BDP1: variants seen among roughly 807,000 people sequenced by gnomAD.
BDP1 encodes the protein transcription factor TFIIIB component B'' homolog.
Under a neutral mutation model 266.6 loss-of-function variants are expected in BDP1, and 169 were observed. The ratio of observed to expected loss-of-function variants is 0.63; its 90% CI spans 0.56 to 0.72. BDP1 has a LOEUF of 0.72. Ranked by LOEUF, BDP1 falls within the 30% of genes least tolerant of loss-of-function variation. BDP1 has a pLI of 0.00. For missense variants in BDP1, 3,015 were observed against 3,053.8 expected (o/e 0.99, Z 0.30); for synonymous variants, 1,090 against 1,022.4 (o/e 1.07, Z -1.26).
the BDP1 span, among the ~76,000 whole-genome samples, chr5:71,576,030 A>G: frequency 2.1e-3 from 317 of 152,328 alleles, 1 homozygote; most frequent in African/African-American, 7.3e-3. Flanking sequence ...CAGAGTCACG[A>G]CGACATCAAC....
intron 25 of BDP1, 89 bp from the exon 26 acceptor site, chr5:71,532,219 T>G (rs1766289180): frequency 8.8e-7 from 1 of 1,135,686 alleles, no homozygotes; most frequent in Non-Finnish European, 1.3e-6. Context: ...CATTTTAGCG[T>G]TTCATCTTAC....
intron 24 of BDP1, among the ~76,000 whole-genome samples, chr5:71,523,552 G>A (rs1765617828): frequency 2.6e-5 from 4 of 152,192 alleles, no homozygotes; most frequent in Admixed American, 2.0e-4. Context: ...GACCTCAAGT[G>A]ATCTGCCTGC....
chr5:71,488,370 G>A (rs116358847), intron 9 of BDP1, among the ~76,000 whole-genome samples: 1 of 150,352 alleles, frequency 6.7e-6, no homozygotes, highest in African/African-American at 2.5e-5. Flanking sequence ...TCAAATGATC[G>A]CCCACCTTGG....
In BDP1 at chr5:71,468,782, T is replaced by G. The variant is rs567740190; in HGVS notation, c.919+1295T>G. On this transcript the variant is annotated intron_variant, in intron 6 of 38. Coordinates refer to ENST00000358731, the MANE Select transcript of BDP1 (RefSeq NM_018429.3). ...CCACCATGCCCAGCTAATTTTTGTG[T>G]TTTTGGTAGAGATGGGGTTTCACCA... Among the ~76,000 whole-genome samples the G allele has an allele frequency of 2.9e-3, 444 of 151,638 alleles. 3 individuals carry two copies. The highest frequency in any genetic ancestry group is 0.01 in the African/African-American group (417 of 41,366).
At position 71,472,839 on chromosome 5, in the gene BDP1, A is replaced by C. The variant is rs182258499; in HGVS notation, c.1014+2350A>C. ...GTAGTTTTCTTTGGAGGAAGAGTTT[A>C]TTTTATAAATATACTCTTTCATTGA... is the stretch of plus-strand genomic sequence containing the variant. On this transcript the variant is annotated intron_variant, in intron 7 of 38. Coordinates refer to ENST00000358731, the MANE Select transcript of BDP1 (RefSeq NM_018429.3). Among the ~76,000 whole-genome samples the C allele has an allele frequency of 3.1e-3, 392 of 127,272 alleles. 2 individuals are homozygous for C. The highest frequency in any genetic ancestry group is 0.01 in the African/African-American group (351 of 34,520). 83.5% of individuals were successfully genotyped at this position (127,272 alleles called of 152,430 possible). A position where few individuals can be genotyped will look rare whatever the true frequency, so the allele number is the denominator to read the frequency against.
At chr5:71,569,240 A>G (rs1338972288), downstream of BDP1, among the ~76,000 whole-genome samples, 2 of 152,210 alleles carry the variant, frequency 1.3e-5, no homozygotes, top group Non-Finnish European at 2.9e-5. Context: ...TAATCCCAGC[A>G]TTTTGGGAGG....
intron 19 of BDP1, among the ~76,000 whole-genome samples, chr5:71,514,006 C>T (rs777901274): frequency 1.4e-4 from 21 of 152,002 alleles, no homozygotes; most frequent in South Asian, 8.3e-4. Flanking sequence ...TACGCTGAGC[C>T]GTGGCGCCCA....
At chr5:71,470,041 A>T (rs532546865) in intron 6 of BDP1, among the ~76,000 whole-genome samples, 2 of 151,888 alleles carry the variant, frequency 1.3e-5, no homozygotes, top group South Asian at 4.2e-4. Flanking sequence ...GGGTTTCTCC[A>T]TGTTGGTCAG....
downstream of BDP1, among the ~76,000 whole-genome samples, chr5:71,569,968 A>G (rs1744214603): frequency 1.3e-5 from 2 of 152,224 alleles, no homozygotes; most frequent in Admixed American, 6.5e-5. Flanking sequence ...CCCACTCACT[A>G]TGTGGGTCAG....
rs1477437670 is a variant in BDP1 at position 71,539,650 on chromosome 5, G to C, written c.6022+1G>C. The C allele has an allele frequency of 1.1e-5, 17 of 1,598,618 alleles. No homozygotes were observed. Among genetic ancestry groups the C allele is most frequent in the Non-Finnish European group, 1.5e-5 (17 of 1,169,486 alleles). Reference sequence around the variant, plus strand: ...GAGATCAGTAGTGAACAGGGTGATGGTAAGAATGAAAGCTAAGTCCTATCA... The same window carrying C: ...GAGATCAGTAGTGAACAGGGTGATGCTAAGAATGAAAGCTAAGTCCTATCA... On this transcript the variant is annotated splice_donor_variant, in intron 28 of 38. Coordinates refer to ENST00000358731, the MANE Select transcript of BDP1 (RefSeq NM_018429.3). LOFTEE classifies it high-confidence loss of function.
At position 71,455,959 on chromosome 5, in the gene BDP1, C is replaced by G. The variant is rs770943086; in HGVS notation, c.82C>G (p.Gln28Glu). 1.2e-6 allele frequency: 2 copies of G among 1,613,162 alleles called. No individual in the cohort carries two copies. The highest frequency in any genetic ancestry group is 4.5e-5 in the East Asian group (2 of 44,872). ...GARGSTASNPQRGRESPRPPD... is the reference protein window; with the variant it reads ...GARGSTASNPERGRESPRPPD... ...CAGGGGCTCCACAGCTTCCAATCCC[C>G]AGCGTGGACGGGAGTCTCCCAGGCC... The change falls in exon 1 of 39, where the codon CAG becomes GAG. Residue 28 changes from glutamine (Q) to glutamate (E), a missense_variant. Gln to Glu is a conservative substitution (Grantham distance 29). Coordinates refer to ENST00000358731, the MANE Select transcript of BDP1 (RefSeq NM_018429.3).
At position 71,467,402 on chromosome 5, in the gene BDP1, A is replaced by G. The variant is rs781118850; in HGVS notation, c.834A>G (p.Glu278=). The G allele has an allele frequency of 9.6e-5, 155 of 1,611,150 alleles. No individual in the cohort carries two copies. The highest frequency in any genetic ancestry group is 1.3e-4 in the Non-Finnish European group (155 of 1,177,548). The change falls in exon 6 of 39, where the codon GAA becomes GAG. Residue 278 remains glutamate, a synonymous_variant. Transcript: ENST00000358731. The part of the protein sequence containing the change: ...LRTKGPCVVE[E]NDPIFERGST... Reference sequence around the variant, plus strand: ...CAAAAGGCCCTTGTGTTGTTGAAGAAAATGACCCCATATTTGAGCGCGGTT... The same window carrying G: ...CAAAAGGCCCTTGTGTTGTTGAAGAGAATGACCCCATATTTGAGCGCGGTT...
intron 22 of BDP1, among the ~76,000 whole-genome samples, chr5:71,521,742 C>T (rs773852670): frequency 1.3e-5 from 2 of 152,174 alleles, no homozygotes; most frequent in African/African-American, 4.8e-5. Context: ...CAGATACAGA[C>T]GGATTATATT....
chr5:71,473,766 T>G (rs1408611700), intron 7 of BDP1, among the ~76,000 whole-genome samples: 5 of 152,114 alleles, frequency 3.3e-5, no homozygotes, highest in Non-Finnish European at 7.4e-5. Context: ...GCCATGTTGG[T>G]GTGCTGCACC....
intron 7 of BDP1, among the ~76,000 whole-genome samples, chr5:71,474,771 C>T (rs898359731): frequency 5.3e-5 from 8 of 151,506 alleles, no homozygotes; most frequent in Non-Finnish European, 1.0e-4. Context: ...TGCTTGAACC[C>T]GGGAGGGAGA....
chr5:71,526,710 C>T (rs1439630006), intron 25 of BDP1, among the ~76,000 whole-genome samples: 5 of 116,816 alleles, frequency 4.3e-5, no homozygotes, highest in Non-Finnish European at 7.0e-5. Flanking sequence ...TTTTTAAAGA[C>T]GGGGTCTCAG....
chr5:71,533,795 G>A (rs544961982), intron 26 of BDP1, among the ~76,000 whole-genome samples: 29 of 152,224 alleles, frequency 1.9e-4, no homozygotes, highest in South Asian at 8.3e-4. Context: ...CCTAGTGAGT[G>A]TGAAGTGGTG....
In BDP1 at chr5:71,495,386, G is replaced by C; in HGVS notation, c.1777G>C (p.Val593Leu). 1 of 1,578,796 alleles carries C rather than the reference G, an allele frequency of 6.3e-7. No homozygotes were observed. Among genetic ancestry groups the C allele is most frequent in the South Asian group, 1.2e-5 (1 of 82,746 alleles). ...AEGSCIEERN[V>L]DLKNNSLEID... Reference sequence around the variant, plus strand: ...GGGTAGTTGTATAGAAGAAAGAAATGTTGACCTAAAAAATAATTCACTGTA... The same window carrying C: ...GGGTAGTTGTATAGAAGAAAGAAATCTTGACCTAAAAAATAATTCACTGTA... Residue 593 changes from valine to leucine, a missense_variant, in exon 12 of 39, where the codon GTT becomes CTT. By Grantham distance (32) the Val-to-Leu change is conservative. This residue lies in a region of BDP1 where 2,383 missense variants were observed against 2,404.9 expected (regional missense o/e 0.99). Transcript: ENST00000358731.
At chr5:71,562,067 AC>A (rs1462674497) in intron 37 of BDP1, among the ~76,000 whole-genome samples, 1 of 151,026 alleles carries the variant, frequency 6.6e-6, no homozygotes, top group Non-Finnish European at 1.5e-5. Flanking sequence ...ACATGGTGAA[AC>A]CCCGTCTCTA....
Sources: gnomAD v4.1 joint callset for allele counts (sites outside exome capture counted in the v4.1 genomes callset) on GRCh38, gnomAD v4.1.1 for gene constraint, gnomAD v4.1.1 regional missense constraint, MANE v1.5 for transcripts, NCBI Gene and HGNC (gene_info 2026-07-23, HGNC 2026-07-21) for gene names.